Variants in IKZF1 observed in about 807,000 individuals in gnomAD.
IKZF1 encodes the protein DNA-binding protein Ikaros.
A neutral mutation model predicts 51.7 loss-of-function variants in IKZF1; 10 were observed. That is an observed-to-expected ratio of 0.19 (90% confidence interval 0.12 to 0.33). The LOEUF is 0.33. IKZF1 is among the 10% of genes least tolerant of loss of function. The pLI is 1.00. For missense variants in IKZF1, 484 were observed against 707.5 expected, an observed-to-expected ratio of 0.68 and a Z score of 3.58; for synonymous variants, 280 against 282.3, an observed-to-expected ratio of 0.99 and a Z score of 0.08.
chr7:50,327,620 C>T lies in IKZF1; in HGVS notation c.41-18C>T, dbSNP rs949546651. On this transcript the variant is annotated intron_variant, in intron 2 of 7. Coordinates refer to ENST00000331340, the MANE Select transcript of IKZF1 (RefSeq NM_006060.6). Reference sequence around the variant, plus strand: ...TGACCATGACCGCCCGAGACTCACACTTCTTCTTTCTCATCAGGGAAGGAA... The same window carrying T: ...TGACCATGACCGCCCGAGACTCACATTTCTTCTTTCTCATCAGGGAAGGAA... 6.2e-7 allele frequency: 1 copy of T among 1,600,908 alleles called. No homozygotes were observed. Among genetic ancestry groups the T allele is most frequent in the Non-Finnish European group, 8.5e-7 (1 of 1,173,600 alleles).
In IKZF1 at chr7:50,333,840, C is replaced by A. The variant is rs1045777301; in HGVS notation, c.160+6083C>A. Reference sequence around the variant, plus strand: ...TGAAAATTCTATGTTATTCATCTTGCAATTTACTACCACTATCTTGGAATG... The same window carrying A: ...TGAAAATTCTATGTTATTCATCTTGAAATTTACTACCACTATCTTGGAATG... On this transcript the variant is annotated intron_variant, in intron 3 of 7. Transcript: ENST00000331340. Among the ~76,000 whole-genome samples, 93 of 152,294 alleles carry A rather than the reference C, an allele frequency of 6.1e-4. 1 individual carries two copies. The highest frequency in any genetic ancestry group is 2.1e-3 in the African/African-American group (89 of 41,564).
chr7:50,333,478 C>T (rs1796872716), intron 3 of IKZF1, among the ~76,000 whole-genome samples: 1 of 152,160 alleles, frequency 6.6e-6, no homozygotes, highest in South Asian at 2.1e-4. Flanking sequence ...GCGGAGCCTG[C>T]TTATCTAATC....
intron 3 of IKZF1, among the ~76,000 whole-genome samples, chr7:50,359,509 C>T (rs1035962844): frequency 6.6e-5 from 10 of 152,162 alleles, no homozygotes; most frequent in South Asian, 4.1e-4. Context: ...CCTATTTGGC[C>T]GCACCACTGT....
At chr7:50,379,127 G>C (rs1584902951) in intron 4 of IKZF1, among the ~76,000 whole-genome samples, 1 of 152,212 alleles carries the variant, frequency 6.6e-6, no homozygotes, top group Non-Finnish European at 1.5e-5. Flanking sequence ...GGGGAGGCAG[G>C]AGAGCAAGCA....
At chr7:50,333,149 G>A (rs1796790695) in intron 3 of IKZF1, among the ~76,000 whole-genome samples, 1 of 151,822 alleles carries the variant, frequency 6.6e-6, no homozygotes, top group African/African-American at 2.4e-5. Flanking sequence ...AAATGATTGA[G>A]TGTGTAAAAG....
chr7:50,397,940 A>G (rs548737532), intron 7 of IKZF1, among the ~76,000 whole-genome samples: 1 of 152,334 alleles, frequency 6.6e-6, no homozygotes, highest in South Asian at 2.1e-4. Context: ...CTATTATATG[A>G]TACATATCCA....
chr7:50,325,832 T>C (rs930772319), intron 2 of IKZF1, among the ~76,000 whole-genome samples: 2 of 152,204 alleles, frequency 1.3e-5, no homozygotes, highest in African/African-American at 4.8e-5. Flanking sequence ...TAATGCACAT[T>C]GCCAAGGCTT....
chr7:50,319,189 G>T, intron 2 of IKZF1, 88 bp downstream of exon 2: 2 of 1,021,032 alleles, frequency 2.0e-6, no homozygotes, highest in Non-Finnish European at 1.5e-6. Context: ...TGCTCATGGG[G>T]GAGGAATAGG....
At chr7:50,357,263 C>T (rs528608578) in intron 3 of IKZF1, among the ~76,000 whole-genome samples, 1 of 152,200 alleles carries the variant, frequency 6.6e-6, no homozygotes, top group Non-Finnish European at 1.5e-5. Context: ...GGGACTTCAT[C>T]TCAGCTTCCA....
intron 5 of IKZF1, 130 bp downstream of exon 5, chr7:50,382,837 G>T: frequency 8.5e-7 from 1 of 1,170,510 alleles, no homozygotes; most frequent in Non-Finnish European, 1.2e-6. Context: ...CCTGCATCGG[G>T]TGTGAGCTGT....
intron 1 of IKZF1, among the ~76,000 whole-genome samples, chr7:50,311,975 G>C (rs1440936315): frequency 6.6e-6 from 1 of 152,126 alleles, no homozygotes; most frequent in Non-Finnish European, 1.5e-5. Context: ...AAAAAATAAT[G>C]ACCTGGGGCA....
At chr7:50,389,482 T>C (rs1814411044) in intron 6 of IKZF1, among the ~76,000 whole-genome samples, 1 of 152,220 alleles carries the variant, frequency 6.6e-6, no homozygotes, top group Non-Finnish European at 1.5e-5. Context: ...GATGCCTCTA[T>C]GTCCCCACAC....
chr7:50,366,262 TA>T lies in IKZF1; in HGVS notation c.161-10262del, dbSNP rs377485520. On this transcript the variant is annotated intron_variant, in intron 3 of 7. Transcript: ENST00000331340. ...GTACTCCTGAACTTAAAAGTTAAAT[TA>T]AAAAAAAATTAATGTCTAATAATAT... 6.3e-4 allele frequency among the ~76,000 whole-genome samples: 96 copies of T among 151,788 alleles called. No individual in the cohort carries two copies. In the South Asian group the frequency reaches 0.012, roughly 19 times the overall value.
chr7:50,327,642 G>T lies in IKZF1; in HGVS notation c.45G>T (p.Lys15Asn). Residue 15 changes from lysine (K) to asparagine (N), a missense_variant, in exon 3 of 8, where the codon AAG becomes AAT. Transcript: ENST00000331340. ...ACACTTCTTCTTTCTCATCAGGGAA[G>T]GAAAGCCCCCCTGTAAGCGATACTC... ...EGQDMSQVSG[K>N]ESPPVSDTPD... 1 of 1,611,274 alleles carries T rather than the reference G, an allele frequency of 6.2e-7. No individual in the cohort carries two copies. The highest frequency in any genetic ancestry group is 8.5e-7 in the Non-Finnish European group (1 of 1,178,554).
At chr7:50,306,438 C>T (rs923375174) in intron 1 of IKZF1, among the ~76,000 whole-genome samples, 3 of 152,142 alleles carry the variant, frequency 2.0e-5, no homozygotes, top group African/African-American at 7.2e-5. Flanking sequence ...TAGAAACTCT[C>T]CAGTACTTGT....
chr7:50,375,218 C>G (rs191507281), intron 3 of IKZF1, among the ~76,000 whole-genome samples: 1 of 152,024 alleles, frequency 6.6e-6, no homozygotes, highest in Admixed American at 6.6e-5. Flanking sequence ...CTCAGGAGTT[C>G]GAGAGCAGCC....
chr7:50,391,862 T>G lies in IKZF1; in HGVS notation c.849T>G (p.Leu283=), dbSNP rs901860948. 1 of 1,611,078 alleles carries G rather than the reference T, an allele frequency of 6.2e-7. No homozygotes were observed. The highest frequency in any genetic ancestry group is 1.3e-5 in the African/African-American group (1 of 74,798). Residue 283 remains leucine, a splice_region_variant and synonymous_variant, in exon 7 of 8, where the codon CTT becomes CTG. Transcript: ENST00000331340. The part of the protein sequence containing the change: ...KRKSSMPQKF[L]GDKGLSDTPY... ...AGAGCTCTATGCCTCAGAAATTTCT[T>G]GGTAAGAGTTAAATGTTTGCTGTCT...
chr7:50,380,559 C>A (rs1355257759), intron 4 of IKZF1, among the ~76,000 whole-genome samples: 1 of 152,212 alleles, frequency 6.6e-6, no homozygotes, highest in Non-Finnish European at 1.5e-5. Context: ...GGTCATACCA[C>A]AAACACTGTT....
chr7:50,399,603 T>G (rs556822883), intron 7 of IKZF1, among the ~76,000 whole-genome samples: 1 of 152,284 alleles, frequency 6.6e-6, no homozygotes, highest in Admixed American at 6.5e-5. Flanking sequence ...ATAACATAAT[T>G]AAACTAATCT....
Sources: gnomAD v4.1 joint callset for allele counts (sites outside exome capture counted in the v4.1 genomes callset) on GRCh38, gnomAD v4.1.1 for gene constraint, MANE v1.5 for transcripts, NCBI Gene and HGNC (gene_info 2026-07-23, HGNC 2026-07-21) for gene names.